CACNA1C: variants seen among roughly 807,000 people sequenced by gnomAD.
CACNA1C encodes calcium voltage-gated channel subunit alpha1 C.
In CACNA1C, 30 loss-of-function variants were observed where a neutral mutation model predicts 229.0. That is an observed-to-expected ratio of 0.13 (90% confidence interval 0.10 to 0.18). CACNA1C has a LOEUF of 0.18. Ranked by LOEUF, CACNA1C falls within the 10% of genes least tolerant of loss-of-function variation. The pLI is 1.00. For missense variants in CACNA1C, 1,658 were observed against 2,845.0 expected, an observed-to-expected ratio of 0.58 and a Z score of 9.49; for synonymous variants, 1,114 against 1,132.5, an observed-to-expected ratio of 0.98 and a Z score of 0.33.
At chr12:2,277,750 T>G (rs1257835195) in intron 3 of CACNA1C, among the ~76,000 whole-genome samples, 2 of 152,218 alleles carry the variant, frequency 1.3e-5, no homozygotes, top group Non-Finnish European at 1.5e-5. Flanking sequence ...AGGAGATGGC[T>G]CCTGTCCTCC....
intron 30 of CACNA1C, among the ~76,000 whole-genome samples, chr12:2,637,659 C>T (rs967235235): frequency 1.3e-5 from 2 of 152,252 alleles, no homozygotes; most frequent in Admixed American, 6.5e-5. Flanking sequence ...GCATTAGCAG[C>T]GTATGGGCGG....
In CACNA1C at chr12:1,971,107, G is replaced by A. The variant is rs760852173; in HGVS notation, c.45G>A (p.Pro15=). Residue 15 remains proline, a synonymous_variant, in exon 1 of 47, where the codon CCG becomes CCA. Coordinates refer to the CACNA1C transcript ENST00000682462. The surrounding 1 kb of genome is among the most constrained non-coding windows in gnomAD (Gnocchi z 4.2). ...AGCCTGGTACGCCTGCATACCAGCC[G>A]CTTCCCAGCCACCTGTCTGCCAACA... 5.2e-5 allele frequency: 67 copies of A among 1,289,106 alleles called. No individual in the cohort carries two copies. Among genetic ancestry groups the A allele is most frequent in the Non-Finnish European group, 6.2e-5 (61 of 988,384 alleles). 79.9% of individuals were successfully genotyped at this position (1,289,106 alleles called of 1,614,324 possible).
At chr12:2,097,235 T>TCCCGG (rs2074424340) in intron 1 of CACNA1C, among the ~76,000 whole-genome samples, 1 of 152,136 alleles carries the variant, frequency 6.6e-6, no homozygotes, top group East Asian at 1.9e-4. Flanking sequence ...AAGCTCCGCC[T>TCCCGG]CCCAGGTTCA....
chr12:2,475,191 C>T lies in CACNA1C; in HGVS notation c.758-10913C>T, dbSNP rs550659169. On this transcript the variant is annotated intron_variant, in intron 5 of 46. Transcript: ENST00000399655. ...GTGGGCGCCTGTAGTCCCAGCTACTCGGGAGGCTGAGGCAGGAGAATGGCG... is the reference window on the plus strand; with the variant it reads ...GTGGGCGCCTGTAGTCCCAGCTACTTGGGAGGCTGAGGCAGGAGAATGGCG... Among the ~76,000 whole-genome samples the T allele has an allele frequency of 4.9e-3, 745 of 151,610 alleles. 7 individuals are homozygous for T. The highest frequency in any genetic ancestry group is 0.013 in the Admixed American group (205 of 15,216).
chr12:2,101,918 G>C (rs2076560843), intron 1 of CACNA1C, among the ~76,000 whole-genome samples: 2 of 152,094 alleles, frequency 1.3e-5, no homozygotes, highest in South Asian at 4.1e-4. Context: ...CAGAACCCCT[G>C]CATCATGGGA....
chr12:2,405,316 G>A (rs2098724124), intron 3 of CACNA1C, among the ~76,000 whole-genome samples: 1 of 152,152 alleles, frequency 6.6e-6, no homozygotes, highest in African/African-American at 2.4e-5. Flanking sequence ...GTTCTGTGTT[G>A]TTTTATCATA....
chr12:2,145,370 TG>T (rs2154199345), intron 3 of CACNA1C, among the ~76,000 whole-genome samples: 1 of 151,338 alleles, frequency 6.6e-6, no homozygotes, highest in African/African-American at 2.4e-5. Context: ...TAAAACTCTT[TG>T]TTTATTCTGC....
chr12:2,334,019 G>A (rs2096623830), intron 3 of CACNA1C, among the ~76,000 whole-genome samples: 1 of 152,154 alleles, frequency 6.6e-6, no homozygotes, highest in Non-Finnish European at 1.5e-5. Flanking sequence ...TGGGCAGAGT[G>A]GAAGATCCCT....
At position 2,605,828 on chromosome 12, in the gene CACNA1C, C is replaced by A; in HGVS notation, c.3156+42C>A. The A allele has an allele frequency of 7.8e-7, 1 of 1,289,652 alleles. No individual in the cohort carries two copies. The highest frequency in any genetic ancestry group is 1.1e-6 in the Non-Finnish European group (1 of 883,980). 79.9% of individuals were successfully genotyped at this position (1,289,652 alleles called of 1,614,324 possible). ...GTTGTGGTCCTCCTACCTCCCCTCCCATCAGCATTCCTGGGGAAGGGAACT... is the reference window on the plus strand; with the variant it reads ...GTTGTGGTCCTCCTACCTCCCCTCCAATCAGCATTCCTGGGGAAGGGAACT... On this transcript the variant is annotated intron_variant, in intron 24 of 46. Transcript: ENST00000399655. This position sits in a 1 kb window ranked among gnomAD's most constrained non-coding sequence, Gnocchi z 6.2.
In CACNA1C at chr12:2,650,285, G is replaced by A. The variant is rs148537985; in HGVS notation, c.3946-1355G>A. 2.6e-3 allele frequency among the ~76,000 whole-genome samples: 399 copies of A among 152,316 alleles called. 1 individual carries two copies. Among genetic ancestry groups the A allele is most frequent in the Admixed American group, 3.7e-3 (56 of 15,306 alleles). On this transcript the variant is annotated intron_variant, in intron 31 of 46. Coordinates refer to ENST00000399655, the MANE Select transcript of CACNA1C (RefSeq NM_000719.7). ...CTGCATAGTGAGGGGAGCGGCCTCT[G>A]ACGCCTCATCAGGGTGGGCCAGAGC...
At chr12:2,256,964 A>G (rs565930988) in intron 3 of CACNA1C, among the ~76,000 whole-genome samples, 3 of 152,296 alleles carry the variant, frequency 2.0e-5, no homozygotes, top group Admixed American at 2.0e-4. Context: ...TACACCAGAT[A>G]TGTTACAGTT....
At chr12:2,186,153 C>T (rs538029945) in intron 3 of CACNA1C, among the ~76,000 whole-genome samples, 1 of 152,282 alleles carries the variant, frequency 6.6e-6, no homozygotes, top group Admixed American at 6.5e-5. Context: ...GAAAACTGCC[C>T]AGCCCAGGAC....
At chr12:1,983,844 A>T (rs756514025) in intron 1 of CACNA1C, among the ~76,000 whole-genome samples, 4 of 145,732 alleles carry the variant, frequency 2.7e-5, no homozygotes, top group African/African-American at 5.3e-5. Context: ...CTGCAGAATT[A>T]AAAAAAAAAC....
In CACNA1C at chr12:2,605,245, T is replaced by C; in HGVS notation, c.3048+77T>C. The C allele has an allele frequency of 1.9e-6, 2 of 1,026,886 alleles. No homozygotes were observed. Among genetic ancestry groups the C allele is most frequent in the Non-Finnish European group, 1.5e-6 (1 of 657,322 alleles). 63.6% of individuals were successfully genotyped at this position (1,026,886 alleles called of 1,614,324 possible). A position where few individuals can be genotyped will look rare whatever the true frequency, so the allele number is the denominator to read the frequency against. On this transcript the variant is annotated intron_variant, in intron 23 of 46. Transcript: ENST00000399655. This position sits in a 1 kb window ranked among gnomAD's most constrained non-coding sequence, Gnocchi z 6.2. The stretch of plus-strand genomic sequence containing the variant: ...GAGCTCCACAGAGGTGAGGGGTGGG[T>C]TGGAAGGAGATGATGGTCAGACCAA...
intron 3 of CACNA1C, among the ~76,000 whole-genome samples, chr12:2,129,967 T>C (rs1178121050): frequency 2.6e-5 from 4 of 152,194 alleles, no homozygotes; most frequent in African/African-American, 9.7e-5. Flanking sequence ...TAAAGTGCAT[T>C]AGCTTTAATT....
chr12:2,678,604 C>T lies in CACNA1C; in HGVS notation c.5091+737C>T, dbSNP rs2096944342. On this transcript the variant is annotated intron_variant, in intron 41 of 46. Coordinates refer to ENST00000399655, the MANE Select transcript of CACNA1C (RefSeq NM_000719.7). This position sits in a 1 kb window ranked among gnomAD's most constrained non-coding sequence, Gnocchi z 4.1. ...CACCGCTCTCTCCCGGCCGCGGGCC[C>T]AGTTCCCAGGCTGTGGAACACACAG... Among the ~76,000 whole-genome samples the T allele has an allele frequency of 6.6e-6, 1 of 152,246 alleles. No individual in the cohort carries two copies. The highest frequency in any genetic ancestry group is 1.5e-5 in the Non-Finnish European group (1 of 68,046).
chr12:2,456,326 C>A (rs1201562170), intron 4 of CACNA1C, among the ~76,000 whole-genome samples: 1 of 152,252 alleles, frequency 6.6e-6, no homozygotes, highest in Non-Finnish European at 1.5e-5. Flanking sequence ...ACTGCCGCAG[C>A]TGGTCTCTGG....
At chr12:1,973,862 C>A (rs1262953168) in intron 1 of CACNA1C, among the ~76,000 whole-genome samples, 1 of 152,148 alleles carries the variant, frequency 6.6e-6, no homozygotes, top group African/African-American at 2.4e-5. Context: ...TCAAAATCTC[C>A]TTGGCCACAA....
Position 2,654,008 on chromosome 12 carries a change from T to TGAAAGG in CACNA1C, c.4140+110_4140+111insAAGGGA. On this transcript the variant is annotated intron_variant, in intron 33 of 46. Transcript: ENST00000399655. The surrounding 1 kb of genome is among the most constrained non-coding windows in gnomAD (Gnocchi z 4.4). ...CTCCCTCCCTTCTCCCTTTCATTCCTGACTGTCCCTCTCCCTCCTCTTCCA... is the reference window on the plus strand; with the variant it reads ...CTCCCTCCCTTCTCCCTTTCATTCCTGAAAGGGACTGTCCCTCTCCCTCCTCTTCCA... 1 of 869,798 alleles carries TGAAAGG rather than the reference T, an allele frequency of 1.1e-6. No homozygotes were observed. Among genetic ancestry groups the TGAAAGG allele is most frequent in the Non-Finnish European group, 1.8e-6 (1 of 544,410 alleles). The allele number at this position is 869,798 out of a possible 1,614,324, so 53.9% of individuals were successfully genotyped here. A position where few individuals can be genotyped will look rare whatever the true frequency, so the allele number is the denominator to read the frequency against.
Sources: allele counts gnomAD v4.1 joint callset (sites outside exome capture counted in the v4.1 genomes callset), GRCh38; gene constraint gnomAD v4.1.1; non-coding constraint Gnocchi (gnomAD v3.1); transcripts MANE v1.5; gene names NCBI Gene and HGNC (gene_info 2026-07-23, HGNC 2026-07-21).